PARVB: variants seen among roughly 807,000 people sequenced by gnomAD.
PARVB encodes beta-parvin.
Under a neutral mutation model 47.0 loss-of-function variants are expected in PARVB, and 46 were observed. The observed-to-expected ratio is 0.98, with a 90% CI of 0.77 to 1.25. PARVB has a LOEUF of 1.25. Ranked by LOEUF, PARVB falls within the 50% of genes most tolerant of loss-of-function variation. PARVB has a pLI of 0.00. For missense variants in PARVB, 473 were observed against 471.6 expected (o/e 1.00, Z -0.03); for synonymous variants, 196 against 196.3 (o/e 1.00, Z 0.01).
Position 44,158,062 on chromosome 22 carries a change from T to C in PARVB, c.924T>C (p.Thr308=), listed in dbSNP as rs1008542623. ...YFVPLHHFYL[T]PESFDQKVHN... ...TTCCTCTCCACCACTTCTACCTGAC[T>C]CCGGAAAGCTTCGATCAGAAGGTAT... Residue 308 remains threonine, a synonymous_variant, in exon 11 of 13, where the codon ACT becomes ACC. Transcript: ENST00000338758. 1.9e-6 allele frequency: 3 copies of C among 1,613,496 alleles called. No individual in the cohort carries two copies. The highest frequency in any genetic ancestry group is 2.2e-5 in the South Asian group (2 of 91,072).
In PARVB at chr22:44,055,674, C is replaced by CTATATA. The variant is rs1263427845; in HGVS notation, c.112+31224_112+31225insATATAT. Among the ~76,000 whole-genome samples the CTATATA allele has an allele frequency of 9.9e-4, 136 of 137,066 alleles. 1 individual carries two copies. The highest frequency in any genetic ancestry group is 2.8e-3 in the African/African-American group (98 of 34,934). The allele number at this position is 137,066 out of a possible 152,430, so 89.9% of individuals were successfully genotyped here. On this transcript the variant is annotated intron_variant, in intron 1 of 12. Coordinates refer to ENST00000338758, the MANE Select transcript of PARVB (RefSeq NM_013327.5). ...TCTATCCATCTCTCTCTCTCTCTCT[C>CTATATA]TCTCTATATATATATATATTTGAAG...
chr22:44,029,137 A>T (rs2050780398), intron 1 of PARVB, among the ~76,000 whole-genome samples: 1 of 152,094 alleles, frequency 6.6e-6, no homozygotes, highest in Non-Finnish European at 1.5e-5. Context: ...GGCACATACC[A>T]CCATGCCCAG....
chr22:44,029,678 A>G (rs1328798071), intron 1 of PARVB, among the ~76,000 whole-genome samples: 3 of 151,954 alleles, frequency 2.0e-5, no homozygotes, highest in African/African-American at 4.8e-5. Flanking sequence ...TGGGAGGCTG[A>G]AGCGGCAGAT....
chr22:44,004,477 C>T (rs2050444383), intron 2 of PARVB, among the ~76,000 whole-genome samples: 1 of 152,236 alleles, frequency 6.6e-6, no homozygotes, highest in South Asian at 2.1e-4. Context: ...ATCTATACTC[C>T]CCAACTCCAC....
chr22:44,105,762 C>A (rs2052552475), intron 3 of PARVB: 1 of 152,300 alleles, frequency 6.6e-6, no homozygotes, highest in Non-Finnish European at 1.5e-5. Flanking sequence ...ACACCAGCGT[C>A]TCCCAAGATG....
intron 4 of PARVB, chr22:44,119,983 C>T (rs557597332): frequency 7.2e-6 from 3 of 417,992 alleles, no homozygotes; most frequent in East Asian, 7.1e-5. Flanking sequence ...GTAGTGGGTT[C>T]TCACGATGCC....
chr22:44,085,738 G>A (rs1442819809), intron 1 of PARVB, among the ~76,000 whole-genome samples: 2 of 152,194 alleles, frequency 1.3e-5, no homozygotes, highest in Admixed American at 6.5e-5. Flanking sequence ...ACCAGGATAC[G>A]TCTTCCCTCG....
chr22:44,008,105 G>T (rs1018854254), intron 2 of PARVB, among the ~76,000 whole-genome samples: 1 of 151,910 alleles, frequency 6.6e-6, no homozygotes, highest in Non-Finnish European at 1.5e-5. Context: ...TGTTGTTGTT[G>T]TTGTTTTGTT....
intron 1 of PARVB, among the ~76,000 whole-genome samples, chr22:44,035,739 AG>A (rs1202690915): frequency 1.3e-5 from 2 of 151,518 alleles, no homozygotes; most frequent in African/African-American, 2.4e-5. Flanking sequence ...AGTGTTATTC[AG>A]GGTTTACGGT....
chr22:44,161,639 TC>T (rs993596542), intron 11 of PARVB, among the ~76,000 whole-genome samples: 6 of 152,172 alleles, frequency 3.9e-5, no homozygotes, highest in African/African-American at 1.2e-4. Flanking sequence ...GGCACCGATG[TC>T]CTAGCCCATC....
At chr22:44,141,214 G>T (rs557917254) in intron 8 of PARVB, 2 of 153,132 alleles carry the variant, frequency 1.3e-5, no homozygotes, top group African/African-American at 4.8e-5. Flanking sequence ...GGATGCCATT[G>T]CTGCTTATCT....
intron 2 of PARVB, among the ~76,000 whole-genome samples, chr22:44,003,417 C>A (rs2050432667): frequency 6.6e-6 from 1 of 152,134 alleles, no homozygotes; most frequent in Non-Finnish European, 1.5e-5. Flanking sequence ...GACTTGACAT[C>A]CATTCCACCT....
chr22:44,157,371 G>A (rs2053958812), intron 10 of PARVB, among the ~76,000 whole-genome samples: 1 of 152,156 alleles, frequency 6.6e-6, no homozygotes, highest in Non-Finnish European at 1.5e-5. Context: ...AGGAGTGGGG[G>A]ACAGTTCCAG....
chr22:44,157,892 CAG>C, intron 10 of PARVB, 88 bp from the exon 11 acceptor site: 2 of 869,538 alleles, frequency 2.3e-6, no homozygotes, highest in Non-Finnish European at 3.8e-6. Flanking sequence ...GACCCTGTCT[CAG>C]AAGAAAAAAT....
chr22:44,157,319 C>G (rs189001323), intron 10 of PARVB, among the ~76,000 whole-genome samples: 1 of 152,274 alleles, frequency 6.6e-6, no homozygotes, highest in Non-Finnish European at 1.5e-5. Flanking sequence ...TGTGTCTTCA[C>G]GACAGCCCTG....
At chr22:44,015,669 A>G (rs2050569119) in intron 2 of PARVB, among the ~76,000 whole-genome samples, 1 of 152,156 alleles carries the variant, frequency 6.6e-6, no homozygotes, top group South Asian at 2.1e-4. Flanking sequence ...AAATACAGAA[A>G]TTAGCTGTGG....
chr22:44,022,390 C>G (rs979188534), upstream of PARVB, among the ~76,000 whole-genome samples: 1 of 152,160 alleles, frequency 6.6e-6, no homozygotes, highest in African/African-American at 2.4e-5. Context: ...GCACTTCTCC[C>G]CCACCCCATC....
intron 10 of PARVB, among the ~76,000 whole-genome samples, chr22:44,154,515 T>C (rs73181283): frequency 0.32 from 47,638 of 149,864 alleles, 7,992 homozygotes; most frequent in East Asian, 0.62. Context: ...TGTGTGTGTG[T>C]GGTTTATGTA....
chr22:44,115,491 C>T (rs111423609), intron 3 of PARVB: 4 of 54,796 alleles, frequency 7.3e-5, no homozygotes, highest in Admixed American at 5.9e-4. Context: ...TTGTTACTAA[C>T]TAAGGCCCTG....
Sources: allele counts gnomAD v4.1 joint callset (sites outside exome capture counted in the v4.1 genomes callset), GRCh38; gene constraint gnomAD v4.1.1; transcripts MANE v1.5; gene names NCBI Gene and HGNC (gene_info 2026-07-23, HGNC 2026-07-21).